NAPB: variants seen among roughly 807,000 people sequenced by gnomAD.
NAPB encodes the protein beta-soluble NSF attachment protein.
NAPB carries 26 observed loss-of-function variants against 44.7 expected under a neutral mutation model. That is an observed-to-expected ratio of 0.58 (90% CI 0.43 to 0.81). The LOEUF is 0.81. Ranked by LOEUF, NAPB falls within the 30% of genes least tolerant of loss-of-function variation. The pLI is 0.00. For missense variants in NAPB, 315 were observed against 356.4 expected (o/e 0.88, Z 0.94); for synonymous variants, 120 against 116.8 (o/e 1.03, Z -0.18).
intron 1 of NAPB, among the ~76,000 whole-genome samples, chr20:23,415,253 G>A (rs925766908): frequency 1.3e-5 from 2 of 152,058 alleles, no homozygotes; most frequent in African/African-American, 4.8e-5. Flanking sequence ...TTGCTTCTTG[G>A]GAGTGAGATT....
intron 3 of NAPB, among the ~76,000 whole-genome samples, chr20:23,395,846 G>A (rs999068): frequency 0.57 from 86,217 of 152,038 alleles, 26,274 homozygotes; most frequent in East Asian, 0.88. Flanking sequence ...TGGTGTTTAT[G>A]ATGCTGGCAT....
At chr20:23,391,767 G>A (rs1414373707) in intron 5 of NAPB, among the ~76,000 whole-genome samples, 1 of 152,182 alleles carries the variant, frequency 6.6e-6, no homozygotes, top group Non-Finnish European at 1.5e-5. Context: ...GTCGCAAAAT[G>A]CTTTTTTCTC....
intron 1 of NAPB, among the ~76,000 whole-genome samples, chr20:23,418,193 T>G (rs1986137300): frequency 6.6e-6 from 1 of 152,224 alleles, no homozygotes; most frequent in Middle Eastern, 3.2e-3. Context: ...TCTGATGATA[T>G]TCAAGTCAGT....
At chr20:23,400,706 A>G (rs779061144) in intron 2 of NAPB, among the ~76,000 whole-genome samples, 1 of 152,220 alleles carries the variant, frequency 6.6e-6, no homozygotes, top group Non-Finnish European at 1.5e-5. Context: ...TTTTAAAACT[A>G]TAAAGAGATG....
intron 7 of NAPB, among the ~76,000 whole-genome samples, chr20:23,388,052 A>T (rs77548640): frequency 0.02 from 3,073 of 152,308 alleles, 105 homozygotes; most frequent in African/African-American, 0.07. Flanking sequence ...GAGCCAGGAC[A>T]CTGGTATTCT....
At chr20:23,417,559 A>C (rs1020277237) in intron 1 of NAPB, among the ~76,000 whole-genome samples, 8 of 152,222 alleles carry the variant, frequency 5.3e-5, no homozygotes, top group African/African-American at 1.9e-4. Context: ...TTAACATTAT[A>C]AACTGGAATT....
intron 1 of NAPB, among the ~76,000 whole-genome samples, chr20:23,416,665 T>C (rs1195195510): frequency 6.6e-6 from 1 of 152,206 alleles, no homozygotes; most frequent in African/African-American, 2.4e-5. Flanking sequence ...CAAATATACG[T>C]ATATATTTCT....
intron 10 of NAPB, among the ~76,000 whole-genome samples, chr20:23,378,470 TC>T (rs1671519006): frequency 6.7e-6 from 1 of 150,228 alleles, no homozygotes; most frequent in Non-Finnish European, 1.5e-5. Flanking sequence ...AGATGGAGTT[TC>T]ACTCTTGTTG....
At chr20:23,378,312 A>G (rs1982685745) in intron 10 of NAPB, among the ~76,000 whole-genome samples, 1 of 151,940 alleles carries the variant, frequency 6.6e-6, no homozygotes, top group Non-Finnish European at 1.5e-5. Context: ...TGACAGAGTG[A>G]GGATCTGTTT....
At chr20:23,401,672 G>A (rs6083118) in intron 2 of NAPB, among the ~76,000 whole-genome samples, 28 of 152,296 alleles carry the variant, frequency 1.8e-4, no homozygotes, top group South Asian at 1.5e-3. Flanking sequence ...CCTGAGCTCA[G>A]GAGTTCCAGA....
chr20:23,377,425 A>T lies in NAPB; in HGVS notation c.848T>A (p.Ile283Asn). 1 of 1,606,506 alleles carries T rather than the reference A, an allele frequency of 6.2e-7. No individual in the cohort carries two copies. The highest frequency in any genetic ancestry group is 8.5e-7 in the Non-Finnish European group (1 of 1,174,890). The part of the protein sequence containing the change: ...DQWLTTMLLR[I>N]KKSIQGDGEG... ...TCCATCCCCTTGGATGGACTTTTTGATGCGAAGCAACATGGTGGTCAGCCA... is the reference window on the plus strand; with the variant it reads ...TCCATCCCCTTGGATGGACTTTTTGTTGCGAAGCAACATGGTGGTCAGCCA... Residue 283 changes from isoleucine (I) to asparagine (N), a missense_variant, in exon 11 of 11, where the codon ATC becomes AAC. Coordinates refer to ENST00000377026, the MANE Select transcript of NAPB (RefSeq NM_022080.3).
At chr20:23,413,140 A>C (rs1985774504) in intron 1 of NAPB, among the ~76,000 whole-genome samples, 2 of 152,114 alleles carry the variant, frequency 1.3e-5, no homozygotes, top group African/African-American at 2.4e-5. Flanking sequence ...CGAAAAAAAA[A>C]TTTTAAGTAA....
At position 23,411,552 on chromosome 20, in the gene NAPB, G is replaced by A. The variant is rs115409933; in HGVS notation, c.99-8480C>T. ...GACTGGTGGTGTCACTGCATATGTTGTATTGTAGATCTAAGACAAAATGTA... is the reference window on the plus strand; with the variant it reads ...GACTGGTGGTGTCACTGCATATGTTATATTGTAGATCTAAGACAAAATGTA... On this transcript the variant is annotated intron_variant, in intron 1 of 10. Coordinates refer to ENST00000377026, the MANE Select transcript of NAPB (RefSeq NM_022080.3). Among the ~76,000 whole-genome samples the A allele has an allele frequency of 6.2e-3, 937 of 152,082 alleles. 10 individuals carry two copies. Among genetic ancestry groups the A allele is most frequent in the African/African-American group, 0.022 (909 of 41,488 alleles).
chr20:23,387,159 G>C (rs576865492), intron 7 of NAPB, among the ~76,000 whole-genome samples: 1 of 152,130 alleles, frequency 6.6e-6, no homozygotes, highest in East Asian at 1.9e-4. Flanking sequence ...ATAGACACAG[G>C]AAAATGCCTG....
intron 1 of NAPB, among the ~76,000 whole-genome samples, chr20:23,403,671 G>A (rs573933735): frequency 2.0e-5 from 3 of 151,598 alleles, no homozygotes; most frequent in African/African-American, 7.3e-5. Flanking sequence ...AACTGAAGAT[G>A]TTATTCTGAT....
intron 1 of NAPB, among the ~76,000 whole-genome samples, chr20:23,410,523 A>T (rs1327619345): frequency 2.6e-5 from 4 of 152,234 alleles, no homozygotes; most frequent in African/African-American, 9.6e-5. Flanking sequence ...TGGCAACCGT[A>T]GACACTGGGG....
intron 7 of NAPB, among the ~76,000 whole-genome samples, chr20:23,385,260 T>C (rs1983401062): frequency 6.6e-6 from 1 of 152,090 alleles, no homozygotes; most frequent in Non-Finnish European, 1.5e-5. Flanking sequence ...GGCTATAAAG[T>C]GGATAAAGTA....
At position 23,391,843 on chromosome 20, in the gene NAPB, G is replaced by C. The variant is rs6048774; in HGVS notation, c.421-1579C>G. Among the ~76,000 whole-genome samples the C allele has an allele frequency of 6.4e-3, 977 of 152,324 alleles. 10 individuals are homozygous for C. Among genetic ancestry groups the C allele is most frequent in the African/African-American group, 0.022 (899 of 41,576 alleles). ...ACATACAGAAGCAGGTGGTGGGTTT[G>C]CAGGATGCTTGAATGACAAAGGTTT... On this transcript the variant is annotated intron_variant, in intron 5 of 10. Transcript: ENST00000377026.
At chr20:23,411,321 T>C (rs1361735069) in intron 1 of NAPB, among the ~76,000 whole-genome samples, 4 of 152,134 alleles carry the variant, frequency 2.6e-5, no homozygotes, top group Admixed American at 1.3e-4. Flanking sequence ...AAACTCAAAG[T>C]TACTTATAAA....
Sources: allele counts gnomAD v4.1 joint callset (sites outside exome capture counted in the v4.1 genomes callset), GRCh38; gene constraint gnomAD v4.1.1; transcripts MANE v1.5; gene names NCBI Gene and HGNC (gene_info 2026-07-23, HGNC 2026-07-21).